Variants in SLAIN2 observed in about 807,000 individuals in gnomAD.
The protein encoded by SLAIN2 is SLAIN family member 2.
In SLAIN2, 31 loss-of-function variants were observed where a neutral mutation model predicts 56.6. The ratio of observed to expected loss-of-function variants is 0.55; its 90% CI spans 0.41 to 0.74. The LOEUF is 0.74. Ranked by LOEUF, SLAIN2 falls within the 30% of genes least tolerant of loss-of-function variation. The probability of loss-of-function intolerance (pLI) is 0.00; values close to 1 mark genes in which losing one functional copy is unlikely to be tolerated. For missense variants in SLAIN2, 777 were observed against 754.2 expected (o/e 1.03, Z -0.35); for synonymous variants, 317 against 284.9 (o/e 1.11, Z -1.13).
chr4:48,370,435 TG>T (rs1715633994), intron 2 of SLAIN2, among the ~76,000 whole-genome samples: 2 of 152,206 alleles, frequency 1.3e-5, no homozygotes, highest in African/African-American at 2.4e-5. Context: ...TTATTTGACT[TG>T]TGTGAGCTCA....
chr4:48,343,937 C>G (rs1714794469), intron 1 of SLAIN2, among the ~76,000 whole-genome samples: 1 of 152,188 alleles, frequency 6.6e-6, no homozygotes, highest in Admixed American at 6.5e-5. Context: ...TCACATGGCT[C>G]TTGCAAGTGA....
chr4:48,408,614 GAA>G (rs1281474326), intron 6 of SLAIN2, among the ~76,000 whole-genome samples: 2 of 147,768 alleles, frequency 1.4e-5, no homozygotes, highest in African/African-American at 2.5e-5. Context: ...TATAAAGAAA[GAA>G]AATATTTTTG....
intron 6 of SLAIN2, among the ~76,000 whole-genome samples, chr4:48,406,650 A>G (rs1406614419): frequency 6.6e-6 from 1 of 151,874 alleles, no homozygotes; most frequent in African/African-American, 2.4e-5. Flanking sequence ...TTTGATGCCT[A>G]ATGCCAGTTT....
At chr4:48,394,228 C>T (rs946514043) in intron 6 of SLAIN2, among the ~76,000 whole-genome samples, 1 of 152,182 alleles carries the variant, frequency 6.6e-6, no homozygotes, top group African/African-American at 2.4e-5. Flanking sequence ...GCACTTCATA[C>T]TGTGTGCTTG....
intron 6 of SLAIN2, among the ~76,000 whole-genome samples, chr4:48,411,354 AAAACAAACAAAC>A (rs907382173): frequency 6.6e-6 from 1 of 152,174 alleles, no homozygotes; most frequent in African/African-American, 2.4e-5. Context: ...CACGATGCAA[AAAACAAACAAAC>A]AAACACTCCT....
intron 1 of SLAIN2, among the ~76,000 whole-genome samples, chr4:48,360,610 AC>A (rs761321325): frequency 2.0e-5 from 3 of 152,158 alleles, no homozygotes; most frequent in Non-Finnish European, 2.9e-5. Context: ...ATTAAAAAAA[AC>A]ATAAATAGAT....
At chr4:48,363,645 G>T (rs1577714568) in intron 1 of SLAIN2, among the ~76,000 whole-genome samples, 2 of 96,094 alleles carry the variant, frequency 2.1e-5, no homozygotes, top group Non-Finnish European at 4.5e-5. Flanking sequence ...CCTCCCGGAC[G>T]GGGCGGCTGG....
intron 2 of SLAIN2, among the ~76,000 whole-genome samples, chr4:48,375,833 T>C (rs1715796067): frequency 6.6e-6 from 1 of 152,230 alleles, no homozygotes; most frequent in African/African-American, 2.4e-5. Flanking sequence ...GTTCATCTTA[T>C]AAATACTGAG....
intron 6 of SLAIN2, 192 bp downstream of exon 6, chr4:48,383,976 A>G: frequency 1.8e-6 from 1 of 571,156 alleles, no homozygotes; most frequent in Non-Finnish European, 2.9e-6. Context: ...TTTTCTATGT[A>G]GGATACTTGA....
intron 1 of SLAIN2, among the ~76,000 whole-genome samples, chr4:48,367,221 A>G (rs557431452): frequency 6.6e-6 from 1 of 152,358 alleles, no homozygotes; most frequent in South Asian, 2.1e-4. Flanking sequence ...ACCAAAGGTT[A>G]CCTGACCAAG....
intron 6 of SLAIN2, among the ~76,000 whole-genome samples, chr4:48,403,701 C>G (rs1014151332): frequency 2.0e-4 from 30 of 152,192 alleles, no homozygotes; most frequent in African/African-American, 7.0e-4. Context: ...GGGAATGGAG[C>G]CCAGAGAACA....
At chr4:48,381,421 G>A (rs144596472) in intron 4 of SLAIN2, among the ~76,000 whole-genome samples, 71 of 152,080 alleles carry the variant, frequency 4.7e-4, no homozygotes, top group South Asian at 4.4e-3. Context: ...TAGAAATGTA[G>A]AACTACAGAT....
intron 1 of SLAIN2, among the ~76,000 whole-genome samples, chr4:48,350,913 C>T (rs1375441462): frequency 2.0e-5 from 3 of 152,096 alleles, no homozygotes; most frequent in Non-Finnish European, 4.4e-5. Context: ...TGTAGTACCA[C>T]GGTATCAGAT....
rs761764785 is a variant in SLAIN2, at chr4:48,422,176, G to A, written c.*99G>A. On this transcript the variant is annotated 3_prime_UTR_variant, in exon 8 of 8. Transcript: ENST00000264313. ...TGCAGACTGTTCAGATAAGACTCTTGGGATTTATAAAATCCCAGCCCTCTC... is the reference window on the plus strand; with the variant it reads ...TGCAGACTGTTCAGATAAGACTCTTAGGATTTATAAAATCCCAGCCCTCTC... The A allele has an allele frequency of 5.6e-6, 5 of 887,252 alleles. No individual in the cohort carries two copies. The highest frequency in any genetic ancestry group is 8.9e-6 in the Non-Finnish European group (5 of 563,412). 55.0% of individuals were successfully genotyped at this position (887,252 alleles called of 1,614,324 possible).
chr4:48,391,645 G>A (rs1237670792), intron 6 of SLAIN2, among the ~76,000 whole-genome samples: 3 of 152,174 alleles, frequency 2.0e-5, no homozygotes, highest in Non-Finnish European at 2.9e-5. Context: ...TACATGAGCA[G>A]AGTGAAAAGG....
At chr4:48,382,460 A>G in intron 4 of SLAIN2, 108 bp from the exon 5 acceptor site, 1 of 1,170,004 alleles carries the variant, frequency 8.5e-7, no homozygotes, top group East Asian at 2.7e-5. Context: ...TTTCTTTTAC[A>G]CTTTACACCC....
At chr4:48,399,106 T>C (rs1276792078) in intron 6 of SLAIN2, among the ~76,000 whole-genome samples, 1 of 152,188 alleles carries the variant, frequency 6.6e-6, no homozygotes, top group African/African-American at 2.4e-5. Flanking sequence ...ATTTTCATGA[T>C]ATTATGATAT....
rs376159324 is a variant in SLAIN2 at position 48,420,416 on chromosome 4, G to A, written c.1652G>A (p.Arg551His). ...APSAGGIPVP[R>H]SKLAQPVRRS... is the part of the protein sequence containing the mutation. ...TCTGCTGGGGGCATACCAGTGCCTC[G>A]CAGCAAACTTGCACAGCCTGTTCGC... is the stretch of plus-strand genomic sequence containing the variant. The change falls in exon 7 of 8, where the codon CGC becomes CAC. Residue 551 changes from arginine to histidine, a missense_variant. Coordinates refer to ENST00000264313, the MANE Select transcript of SLAIN2 (RefSeq NM_020846.2). 1.2e-5 allele frequency: 19 copies of A among 1,613,808 alleles called. No homozygotes were observed. In the African/African-American group the frequency reaches 1.2e-4, roughly 10 times the overall value.
At chr4:48,354,459 T>TA (rs1203304429) in intron 1 of SLAIN2, among the ~76,000 whole-genome samples, 1 of 123,892 alleles carries the variant, frequency 8.1e-6, no homozygotes, top group African/African-American at 2.8e-5. Context: ...CGTTAATTGT[T>TA]ACGGATATTT....
Sources: allele counts gnomAD v4.1 joint callset (sites outside exome capture counted in the v4.1 genomes callset), GRCh38; gene constraint gnomAD v4.1.1; transcripts MANE v1.5; gene names NCBI Gene and HGNC (gene_info 2026-07-23, HGNC 2026-07-21).